NABP1: variants seen among roughly 807,000 people sequenced by gnomAD.
NABP1 encodes the protein nucleic acid binding protein 1.
A neutral mutation model predicts 25.0 loss-of-function variants in NABP1; 18 were observed. That is an observed-to-expected ratio of 0.72 (90% CI 0.50 to 1.07). The LOEUF is 1.07. Ranked by LOEUF, NABP1 falls within the 50% of genes least tolerant of loss-of-function variation. The pLI is 0.00. For synonymous variants in NABP1, 71 were observed against 85.0 expected (o/e 0.84, Z 0.91); for missense variants, 270 against 255.6 (o/e 1.06, Z -0.39).
intron 5 of NABP1, 54 bp downstream of exon 5, chr2:191,684,350 C>G: frequency 1.6e-6 from 2 of 1,283,440 alleles, no homozygotes; most frequent in Non-Finnish European, 2.1e-6. Flanking sequence ...ATGAAGAGAG[C>G]TGTAAAGATT....
Position 191,685,948 on chromosome 2 carries a change from C to A in NABP1, c.*180C>A. Reference sequence around the variant, plus strand: ...AAAACTGTTAAGCTGCTCGAGTCTCCTGTTGAAGAATGGGAACACTGAAAA... The same window carrying A: ...AAAACTGTTAAGCTGCTCGAGTCTCATGTTGAAGAATGGGAACACTGAAAA... On this transcript the variant is annotated 3_prime_UTR_variant, in exon 6 of 6. Coordinates refer to ENST00000425611, the MANE Select transcript of NABP1 (RefSeq NM_001031716.5). 1.8e-6 allele frequency: 1 copy of A among 544,192 alleles called. No individual in the cohort carries two copies. Among genetic ancestry groups the A allele is most frequent in the Non-Finnish European group, 3.1e-6 (1 of 318,500 alleles). The allele number at this position is 544,192 out of a possible 1,614,324, so 33.7% of individuals were successfully genotyped here. A position where few individuals can be genotyped will look rare whatever the true frequency, so the allele number is the denominator to read the frequency against.
At chr2:191,679,195 C>T (rs1687599032) in intron 2 of NABP1, 67 bp downstream of exon 2, 1 of 1,596,930 alleles carries the variant, frequency 6.3e-7, no homozygotes, top group African/African-American at 1.3e-5. Context: ...CTCCTGGGAT[C>T]TTGGCAAGCC....
At chr2:191,680,770 A>C (rs373661197) in intron 2 of NABP1, among the ~76,000 whole-genome samples, 1 of 152,200 alleles carries the variant, frequency 6.6e-6, no homozygotes, top group African/African-American at 2.4e-5. Flanking sequence ...TCTATTTACT[A>C]CTTCAGTATG....
In NABP1 at chr2:191,685,604, G is replaced by A; in HGVS notation, c.451G>A (p.Gly151Ser). 1 of 1,610,234 alleles carries A rather than the reference G, an allele frequency of 6.2e-7. No individual in the cohort carries two copies. The highest frequency in any genetic ancestry group is 8.5e-7 in the Non-Finnish European group (1 of 1,177,942). Residue 151 changes from glycine (G) to serine (S), a missense_variant, in exon 6 of 6, where the codon GGT (glycine) becomes AGT (serine). Gly to Ser is a moderately conservative substitution (Grantham distance 56, BLOSUM62 0). Coordinates refer to ENST00000425611, the MANE Select transcript of NABP1 (RefSeq NM_001031716.5). ...ATTTTTGTATTCTTTTTTAGGAAAT[G>A]GTGTTCACACTGGCCCTGAATCAAG... ...GTGTFGPVGN[G>S]VHTGPESREH...
chr2:191,683,749 A>T lies in NABP1; in HGVS notation c.323A>T (p.Glu108Val). ...TTCAGATTTTGTATGGTTTATTCAGAAGTGCCAAATTTCAGTGAACCCAAC... is the reference window on the plus strand; with the variant it reads ...TTCAGATTTTGTATGGTTTATTCAGTAGTGCCAAATTTCAGTGAACCCAAC... ...KIGEFCMVYS[E>V]VPNFSEPNPD... Residue 108 changes from glutamate to valine, a missense_variant, in exon 4 of 6, where the codon GAA becomes GTA. Physicochemically the swap from Glu to Val is moderately radical, Grantham distance 121. Transcript: ENST00000425611. The surrounding 1 kb of genome is among the most constrained non-coding windows in gnomAD (Gnocchi z 4.1). The T allele has an allele frequency of 6.2e-7, 1 of 1,611,430 alleles. No homozygotes were observed. Among genetic ancestry groups the T allele is most frequent in the Non-Finnish European group, 8.5e-7 (1 of 1,179,214 alleles).
chr2:191,683,734 G>A lies in NABP1; in HGVS notation c.308G>A (p.Cys103Tyr). 1 of 1,610,496 alleles carries A rather than the reference G, an allele frequency of 6.2e-7. No individual in the cohort carries two copies. Among genetic ancestry groups the A allele is most frequent in the Non-Finnish European group, 8.5e-7 (1 of 1,178,042 alleles). ...TTTTCTTTATTTTCTTTCAGATTTT[G>A]TATGGTTTATTCAGAAGTGCCAAAT... ...GGELQKIGEF[C>Y]MVYSEVPNFS... Residue 103 changes from cysteine (C) to tyrosine (Y), a missense_variant, in exon 4 of 6, where the codon TGT becomes TAT. Cys to Tyr is a radical substitution (Grantham distance 194). Transcript: ENST00000425611. This position sits in a 1 kb window ranked among gnomAD's most constrained non-coding sequence, Gnocchi z 4.1.
intron 5 of NABP1, 62 bp from the exon 6 acceptor site, chr2:191,685,537 G>C: frequency 7.0e-7 from 1 of 1,422,332 alleles, no homozygotes; most frequent in South Asian, 1.3e-5. Context: ...TGGCACTTAA[G>C]ATAGTTCTAC....
At position 191,678,282 on chromosome 2, in the gene NABP1, C is replaced by T. The variant is rs1247259911; in HGVS notation, c.-333C>T. On this transcript the variant is annotated 5_prime_UTR_variant, in exon 1 of 6. Coordinates refer to ENST00000425611, the MANE Select transcript of NABP1 (RefSeq NM_001031716.5). ...TCAGGGCAGAAGTGTCCCCTCACTGCGTTTTTTTTTCCTTTTATCCAAAGA... is the reference window on the plus strand; with the variant it reads ...TCAGGGCAGAAGTGTCCCCTCACTGTGTTTTTTTTTCCTTTTATCCAAAGA... 6 of 180,646 alleles carry T rather than the reference C, an allele frequency of 3.3e-5. No individual in the cohort carries two copies. 11.2% of individuals were successfully genotyped at this position (180,646 alleles called of 1,614,324 possible). A position where few individuals can be genotyped will look rare whatever the true frequency, so the allele number is the denominator to read the frequency against.
At chr2:191,681,089 T>C (rs1687674322) in intron 2 of NABP1, among the ~76,000 whole-genome samples, 1 of 152,170 alleles carries the variant, frequency 6.6e-6, no homozygotes, top group Non-Finnish European at 1.5e-5. Context: ...TTAATTTTTA[T>C]TTTAGTAAGG....
intron 5 of NABP1, 91 bp from the exon 6 acceptor site, chr2:191,685,508 T>C: frequency 8.9e-7 from 1 of 1,123,898 alleles, no homozygotes; most frequent in South Asian, 1.7e-5. Context: ...TTTAATATTT[T>C]TAAGCATTAA....
chr2:191,685,828 C>T lies in NABP1; in HGVS notation c.*60C>T, dbSNP rs1687804929. 1 of 1,482,162 alleles carries T rather than the reference C, an allele frequency of 6.7e-7. No individual in the cohort carries two copies. The highest frequency in any genetic ancestry group is 1.9e-5 in the Admixed American group (1 of 52,690). The allele number at this position is 1,482,162 out of a possible 1,614,324, so 91.8% of individuals were successfully genotyped here. On this transcript the variant is annotated 3_prime_UTR_variant, in exon 6 of 6. Transcript: ENST00000425611. The stretch of plus-strand genomic sequence containing the variant: ...ACATGCCCTACTTGAACACTTATTG[C>T]ACTTTTATTTATTGTTAACTGTGAA...
intron 2 of NABP1, 113 bp downstream of exon 2, chr2:191,679,241 A>T: frequency 3.8e-6 from 5 of 1,328,822 alleles, no homozygotes; most frequent in Non-Finnish European, 5.2e-6. Context: ...GCCACTCTTG[A>T]GGAGTTTTGA....
chr2:191,685,115 AGTGCTGGGATTACATACAGGC>A (rs1687782712), intron 5 of NABP1: 1 of 153,196 alleles, frequency 6.5e-6, no homozygotes, highest in South Asian at 2.0e-4. Flanking sequence ...GGCGTCCTAA[AGTGCTGGGATTACATACAGGC>A]GTGAGCCACT....
At chr2:191,680,215 TTGA>T (rs1687647277) in intron 2 of NABP1, among the ~76,000 whole-genome samples, 1 of 152,196 alleles carries the variant, frequency 6.6e-6, no homozygotes, top group Non-Finnish European at 1.5e-5. Flanking sequence ...TTGGAAGCTT[TTGA>T]GATCAATAAA....
At position 191,679,085 on chromosome 2, in the gene NABP1, G is replaced by A; in HGVS notation, c.187G>A (p.Gly63Arg). 6.2e-7 allele frequency: 1 copy of A among 1,614,188 alleles called. No homozygotes were observed. The highest frequency in any genetic ancestry group is 8.5e-7 in the Non-Finnish European group (1 of 1,180,030). ...CACTATTTCCGTGTGGGATGAGATC[G>A]GAGGTCTTATACAGCCAGGGGATAT... Reference protein sequence around the residue: ...SITISVWDEIGGLIQPGDIIR... With the variant: ...SITISVWDEIRGLIQPGDIIR... Residue 63 changes from glycine (G) to arginine (R), a missense_variant, in exon 2 of 6, where the codon GGA (glycine) becomes AGA (arginine). Physicochemically the swap from Gly to Arg is moderately radical, Grantham distance 125 (BLOSUM62 -2). Transcript: ENST00000425611.
Position 191,686,870 on chromosome 2 carries a change from G to T in NABP1, c.*1102G>T, listed in dbSNP as rs937959061. 1.3e-5 allele frequency: 2 copies of T among 152,588 alleles called. No individual in the cohort carries two copies. Among genetic ancestry groups the T allele is most frequent in the African/African-American group, 2.4e-5 (1 of 41,436 alleles). The allele number at this position is 152,588 out of a possible 1,614,324, so 9.5% of individuals were successfully genotyped here. On this transcript the variant is annotated 3_prime_UTR_variant, in exon 6 of 6. Transcript: ENST00000425611. Reference sequence around the variant, plus strand: ...ACCCACTTCCCCTTTTTACTGTAGGGTGGATAACTCTTAGGATTTAACTCT... The same window carrying T: ...ACCCACTTCCCCTTTTTACTGTAGGTTGGATAACTCTTAGGATTTAACTCT...
At chr2:191,679,672 C>T (rs1210124923) in intron 2 of NABP1, among the ~76,000 whole-genome samples, 2 of 152,186 alleles carry the variant, frequency 1.3e-5, no homozygotes, top group African/African-American at 4.8e-5. Flanking sequence ...CCACCACGCC[C>T]GGCATAGATT....
At chr2:191,681,655 T>C (rs1687688970) in intron 2 of NABP1, among the ~76,000 whole-genome samples, 1 of 152,246 alleles carries the variant, frequency 6.6e-6, no homozygotes, top group Non-Finnish European at 1.5e-5. Context: ...GTTAATTGAC[T>C]AAAGATGTGA....
chr2:191,684,177 T>C, intron 4 of NABP1, 53 bp from the exon 5 acceptor site: 1 of 1,102,682 alleles, frequency 9.1e-7, no homozygotes, highest in Non-Finnish European at 1.3e-6. Context: ...AATGTTGTAA[T>C]AATATAATTG....
Sources: gnomAD v4.1 joint callset for allele counts (sites outside exome capture counted in the v4.1 genomes callset) on GRCh38, gnomAD v4.1.1 for gene constraint, Gnocchi (gnomAD v3.1) non-coding constraint, MANE v1.5 for transcripts, NCBI Gene and HGNC (gene_info 2026-07-23, HGNC 2026-07-21) for gene names.